ACMSD: variants seen among roughly 807,000 people sequenced by gnomAD.
ACMSD encodes the protein 2-amino-3-carboxymuconate-6-semialdehyde decarboxylase.
In ACMSD, 37 loss-of-function variants were observed where a neutral mutation model predicts 45.9. That is an observed-to-expected ratio of 0.81 (90% CI 0.62 to 1.06). The LOEUF (loss-of-function observed/expected upper bound fraction) is 1.06, where lower values mean the gene tolerates loss of function less well. Ranked by LOEUF, ACMSD falls within the 50% of genes least tolerant of loss-of-function variation. The probability of loss-of-function intolerance (pLI) is 0.00; values close to 1 mark genes in which losing one functional copy is unlikely to be tolerated. For synonymous variants in ACMSD, 138 were observed against 148.8 expected (o/e 0.93, Z 0.53); for missense variants, 434 against 420.9 (o/e 1.03, Z -0.27).
intron 2 of ACMSD, among the ~76,000 whole-genome samples, chr2:134,849,243 A>C (rs1687217840): frequency 6.9e-6 from 1 of 145,194 alleles, no homozygotes; most frequent in African/African-American, 2.6e-5. Flanking sequence ...TAAAACAAAA[A>C]GGAAATATTT....
intron 2 of ACMSD, among the ~76,000 whole-genome samples, chr2:134,846,391 G>C (rs957702021): frequency 2.6e-5 from 4 of 152,066 alleles, no homozygotes; most frequent in Admixed American, 2.6e-4. Context: ...CTGATGCACT[G>C]TCAAGGGTTT....
intron 2 of ACMSD, among the ~76,000 whole-genome samples, chr2:134,853,260 T>G (rs577610045): frequency 2.1e-4 from 32 of 151,930 alleles, no homozygotes; most frequent in African/African-American, 7.0e-4. Flanking sequence ...TATTTGGGCT[T>G]GTTTGGGGAT....
chr2:134,862,065 T>G (rs1326172298), intron 4 of ACMSD, 47 bp downstream of exon 4: 1 of 1,610,268 alleles, frequency 6.2e-7, no homozygotes. Flanking sequence ...AAGGTTCGTG[T>G]TGAGCTCCCA....
Position 134,871,011 on chromosome 2 carries a change from T to A in ACMSD, c.627T>A (p.Gly209=). 6.2e-7 allele frequency: 1 copy of A among 1,614,112 alleles called. No homozygotes were observed. The highest frequency in any genetic ancestry group is 1.7e-5 in the Admixed American group (1 of 60,002). The part of the protein sequence containing the change: ...TTIAICSMIM[G]GVFEKFPKLK... The stretch of plus-strand genomic sequence containing the variant: ...TAGCCATTTGCTCCATGATCATGGG[T>A]GGAGTATTTGAGAAGTTTCCCAAAC... The change falls in exon 7 of 10, where the codon GGT becomes GGA. Residue 209 remains glycine (G), a synonymous_variant. Transcript: ENST00000356140.
At chr2:134,862,613 C>A (rs1276339987) in intron 4 of ACMSD, among the ~76,000 whole-genome samples, 1 of 152,164 alleles carries the variant, frequency 6.6e-6, no homozygotes, top group African/African-American at 2.4e-5. Flanking sequence ...GAAATATCAC[C>A]TGTTCATACA....
Position 134,840,167 on chromosome 2 carries a change from C to CAAAAAAAA in ACMSD, c.57+1447_57+1454dup, listed in dbSNP as rs1158518481. ...TAAAATAGCCATAAACTATACCTAGCAAAAAAAAAAAAAAAAAAAAAAAAA... is the reference window on the plus strand; with the variant it reads ...TAAAATAGCCATAAACTATACCTAGCAAAAAAAAAAAAAAAAAAAAAAAAAAAAAAAAA... On this transcript the variant is annotated intron_variant, in intron 1 of 9. Coordinates refer to ENST00000356140, the MANE Select transcript of ACMSD (RefSeq NM_138326.3). Among the ~76,000 whole-genome samples, 170 of 23,430 alleles carry CAAAAAAAA rather than the reference C, an allele frequency of 7.3e-3. 20 individuals carry two copies. Among genetic ancestry groups the CAAAAAAAA allele is most frequent in the East Asian group, 0.049 (37 of 760 alleles). 15.4% of individuals were successfully genotyped at this position (23,430 alleles called of 152,430 possible).
In ACMSD at chr2:134,869,369, C is replaced by T. The variant is rs139561853; in HGVS notation, c.581-1596C>T. On this transcript the variant is annotated intron_variant, in intron 6 of 9. Transcript: ENST00000356140. ...CTGGGATTACAAGTGCACGCCACCACGCACAGCTAATTTTTATATTTTTAG... is the reference window on the plus strand; with the variant it reads ...CTGGGATTACAAGTGCACGCCACCATGCACAGCTAATTTTTATATTTTTAG... Among the ~76,000 whole-genome samples the T allele has an allele frequency of 2.8e-3, 430 of 152,160 alleles. 1 individual carries two copies. Among genetic ancestry groups the T allele is most frequent in the African/African-American group, 9.8e-3 (405 of 41,524 alleles).
chr2:134,860,650 T>C (rs1281411411), intron 3 of ACMSD, among the ~76,000 whole-genome samples: 1 of 152,058 alleles, frequency 6.6e-6, no homozygotes, highest in Non-Finnish European at 1.5e-5. Context: ...CAGCCTAAAG[T>C]GAGTAGGTGG....
rs773352992 is a variant in ACMSD at position 134,838,654 on chromosome 2, T to C, written c.-29T>C. ...AGGTCTCTTGATATCAAAACTTCTTTCCTTGCATGCTTCTCTGATCCTGTG... is the reference window on the plus strand; with the variant it reads ...AGGTCTCTTGATATCAAAACTTCTTCCCTTGCATGCTTCTCTGATCCTGTG... On this transcript the variant is annotated 5_prime_UTR_variant, in exon 1 of 10. Transcript: ENST00000356140. 8 of 1,595,552 alleles carry C rather than the reference T, an allele frequency of 5.0e-6. No homozygotes were observed. In the Admixed American group the frequency reaches 1.4e-4, roughly 27 times the overall value.
chr2:134,860,277 T>C (rs1024126491), intron 3 of ACMSD, among the ~76,000 whole-genome samples: 21 of 151,998 alleles, frequency 1.4e-4, no homozygotes, highest in African/African-American at 4.4e-4. Context: ...CAAAACAAAA[T>C]GAAATTTCCA....
At chr2:134,850,219 G>T (rs1205609438) in intron 2 of ACMSD, among the ~76,000 whole-genome samples, 1 of 151,258 alleles carries the variant, frequency 6.6e-6, no homozygotes, top group East Asian at 1.9e-4. Context: ...GTTTGTGTCT[G>T]TACAAATAGA....
chr2:134,882,137 G>T (rs1172820829), intron 8 of ACMSD, among the ~76,000 whole-genome samples: 1 of 152,050 alleles, frequency 6.6e-6, no homozygotes, highest in East Asian at 1.9e-4. Context: ...AAAAAAAGGT[G>T]GGGGAGGGTA....
intron 8 of ACMSD, among the ~76,000 whole-genome samples, chr2:134,884,833 G>T (rs544450849): frequency 9.7e-4 from 147 of 152,048 alleles, no homozygotes; most frequent in African/African-American, 3.4e-3. Flanking sequence ...AATCTTTTTT[G>T]GGGGTAGAAA....
At chr2:134,861,037 T>A (rs1003623237) in intron 3 of ACMSD, among the ~76,000 whole-genome samples, 10 of 151,874 alleles carry the variant, frequency 6.6e-5, no homozygotes, top group Non-Finnish European at 1.2e-4. Flanking sequence ...TCTAAAAAAA[T>A]TTTTTAATTA....
chr2:134,839,241 T>C (rs1358172132), intron 1 of ACMSD, among the ~76,000 whole-genome samples: 2 of 152,214 alleles, frequency 1.3e-5, no homozygotes, highest in Admixed American at 6.5e-5. Flanking sequence ...GCCTGAAACC[T>C]TTACTGTTTG....
At chr2:134,868,451 C>CTTTTTT (rs1170969126) in intron 6 of ACMSD, among the ~76,000 whole-genome samples, 4 of 124,206 alleles carry the variant, frequency 3.2e-5, no homozygotes, top group Non-Finnish European at 3.3e-5. Context: ...ATATTTTTTT[C>CTTTTTT]TTTTTTTTTT....
At chr2:134,861,880 G>A (rs887100590) in intron 3 of ACMSD, 89 bp from the exon 4 acceptor site, 10 of 1,427,016 alleles carry the variant, frequency 7.0e-6, no homozygotes, top group Non-Finnish European at 9.9e-6. Flanking sequence ...GTTTAGGGTG[G>A]AGGCTTGCTG....
At position 134,861,951 on chromosome 2, in the gene ACMSD, C is replaced by T. The variant is rs1369496749; in HGVS notation, c.200-18C>T. On this transcript the variant is annotated intron_variant, in intron 3 of 9. Coordinates refer to ENST00000356140, the MANE Select transcript of ACMSD (RefSeq NM_138326.3). ...TATTCTTCTCACCAGCTTTGCCCTTCTTTGTGTCCATGTCTAGGAGTAACA... is the reference window on the plus strand; with the variant it reads ...TATTCTTCTCACCAGCTTTGCCCTTTTTTGTGTCCATGTCTAGGAGTAACA... The T allele has an allele frequency of 1.2e-6, 2 of 1,614,110 alleles. No homozygotes were observed. Among genetic ancestry groups the T allele is most frequent in the Non-Finnish European group, 1.7e-6 (2 of 1,180,016 alleles).
At chr2:134,866,007 CATA>C (rs1056890552) in intron 5 of ACMSD, among the ~76,000 whole-genome samples, 32 of 152,168 alleles carry the variant, frequency 2.1e-4, no homozygotes, top group African/African-American at 7.2e-4. Context: ...AGCTTGGGCA[CATA>C]ATAAGTTCTC....
Sources: gnomAD v4.1 joint callset for allele counts (sites outside exome capture counted in the v4.1 genomes callset) on GRCh38, gnomAD v4.1.1 for gene constraint, MANE v1.5 for transcripts, NCBI Gene and HGNC (gene_info 2026-07-23, HGNC 2026-07-21) for gene names.